Variants in TNRC6B observed in about 807,000 individuals in gnomAD.
TNRC6B encodes trinucleotide repeat containing adaptor 6B.
Under a neutral mutation model 203.6 loss-of-function variants are expected in TNRC6B, and 52 were observed. The observed-to-expected ratio is 0.26, with a 90% confidence interval of 0.20 to 0.32. The LOEUF is 0.32. Ranked by LOEUF, TNRC6B falls within the 10% of genes least tolerant of loss-of-function variation. TNRC6B has a pLI of 1.00. For missense variants in TNRC6B, 1,923 were observed against 2,286.2 expected, an observed-to-expected ratio of 0.84 and a Z score of 3.24; for synonymous variants, 838 against 845.7, an observed-to-expected ratio of 0.99 and a Z score of 0.16.
At chr22:40,052,748 C>T (rs2067760373) in intron 1 of TNRC6B, among the ~76,000 whole-genome samples, 1 of 152,068 alleles carries the variant, frequency 6.6e-6, no homozygotes, top group Non-Finnish European at 1.5e-5. Context: ...CATGTCTGGC[C>T]TGTGTATTGT....
At chr22:40,188,914 A>T (rs1448846858) in intron 1 of TNRC6B, among the ~76,000 whole-genome samples, 1 of 152,192 alleles carries the variant, frequency 6.6e-6, no homozygotes, top group African/African-American at 2.4e-5. Flanking sequence ...AGCTAATTCC[A>T]ACCCACTAAA....
chr22:40,098,428 G>C (rs1245261468), intron 1 of TNRC6B, among the ~76,000 whole-genome samples: 1 of 133,594 alleles, frequency 7.5e-6, no homozygotes, highest in Non-Finnish European at 1.6e-5. Flanking sequence ...CTATATCAAA[G>C]AGATGCATAT....
intron 1 of TNRC6B, among the ~76,000 whole-genome samples, chr22:40,074,129 G>C (rs1207884490): frequency 6.6e-6 from 1 of 151,126 alleles, no homozygotes; most frequent in Non-Finnish European, 1.5e-5. Flanking sequence ...CTACTCAGGA[G>C]GCTGAGGCAC....
intron 1 of TNRC6B, among the ~76,000 whole-genome samples, chr22:40,219,280 T>G (rs939445012): frequency 3.3e-5 from 5 of 152,140 alleles, no homozygotes; most frequent in African/African-American, 1.2e-4. Flanking sequence ...GAGTAAGTGC[T>G]CCATGCTTTC....
chr22:40,090,978 A>G lies in TNRC6B; in HGVS notation c.-120-26077A>G, dbSNP rs78852309. 6.4e-3 allele frequency among the ~76,000 whole-genome samples: 977 copies of G among 152,224 alleles called. 6 individuals are homozygous for G. Among genetic ancestry groups the G allele is most frequent in the African/African-American group, 0.022 (909 of 41,546 alleles). On this transcript the variant is annotated intron_variant, in intron 1 of 23. Transcript: ENST00000301923. ...CAATGATGAGACAATCTGAATACCA[A>G]TAAAGTTTTTTTTATTTTTTTGAGA...
chr22:40,083,010 C>T (rs1012080820), intron 1 of TNRC6B, among the ~76,000 whole-genome samples: 2 of 151,998 alleles, frequency 1.3e-5, no homozygotes, highest in Non-Finnish European at 2.9e-5. Context: ...TTCCCAACTA[C>T]AGATATAAAT....
chr22:40,047,744 C>T (rs1208917433), intron 1 of TNRC6B, among the ~76,000 whole-genome samples: 1 of 152,158 alleles, frequency 6.6e-6, no homozygotes, highest in Non-Finnish European at 1.5e-5. Flanking sequence ...GAGTTCAAGG[C>T]TTTCAGAGCC....
At position 40,184,112 on chromosome 22, in the gene TNRC6B, G is replaced by C. The variant is rs1460220404; in HGVS notation, c.5+5972G>C. ...CTTTCATTCATTGACGTTGGAATTT[G>C]TTTTTTAAAAAACTTAGAAAATGAT... is the stretch of plus-strand genomic sequence containing the variant. On this transcript the variant is annotated intron_variant, in intron 1 of 22. Coordinates refer to ENST00000454349, the MANE Select transcript of TNRC6B (RefSeq NM_001162501.2). Among the ~76,000 whole-genome samples the C allele has an allele frequency of 3.9e-5, 6 of 152,170 alleles. 1 individual carries two copies. Among genetic ancestry groups the C allele is most frequent in the Non-Finnish European group, 1.5e-5 (1 of 68,022 alleles).
intron 3 of TNRC6B, among the ~76,000 whole-genome samples, chr22:40,131,218 G>C (rs61379922): frequency 0.093 from 14,193 of 151,992 alleles, 2,119 homozygotes; most frequent in African/African-American, 0.32. Context: ...TGTGCCCAGC[G>C]CGGTATAGAA....
chr22:40,125,749 T>A, intron 2 of TNRC6B: 3 of 1,553,120 alleles, frequency 1.9e-6, no homozygotes, highest in Admixed American at 4.4e-5. Context: ...CCTTACATAC[T>A]TTTTTCTTCT....
chr22:40,203,477 G>C (rs1160663969), intron 1 of TNRC6B, among the ~76,000 whole-genome samples: 2 of 152,038 alleles, frequency 1.3e-5, no homozygotes. Context: ...TTGTACATTT[G>C]GGTGCTATTT....
chr22:40,245,923 G>C, intron 1 of TNRC6B, 92 bp from the exon 2 acceptor site: 1 of 884,060 alleles, frequency 1.1e-6, no homozygotes, highest in African/African-American at 1.7e-5. Context: ...ATGAAATGTC[G>C]TCTTGCCCAC....
chr22:40,294,428 A>G (rs908160409), intron 12 of TNRC6B, among the ~76,000 whole-genome samples: 3 of 152,136 alleles, frequency 2.0e-5, no homozygotes, highest in African/African-American at 7.2e-5. Flanking sequence ...CCCTCTTCAT[A>G]TGAGGACACC....
chr22:40,049,505 A>G (rs1370314112), intron 1 of TNRC6B, among the ~76,000 whole-genome samples: 1 of 152,038 alleles, frequency 6.6e-6, no homozygotes, highest in East Asian at 1.9e-4. Flanking sequence ...AGTGTTATTT[A>G]TGAGACTTAA....
At chr22:40,314,033 TAA>T (rs141321517) in intron 19 of TNRC6B, among the ~76,000 whole-genome samples, 7,343 of 152,276 alleles carry the variant, frequency 0.048, 262 homozygotes, top group South Asian at 0.092. Context: ...CTTTTACATG[TAA>T]AAACTTAACT....
At chr22:40,074,785 A>T (rs1224968294) in intron 1 of TNRC6B, among the ~76,000 whole-genome samples, 3 of 150,164 alleles carry the variant, frequency 2.0e-5, no homozygotes, top group East Asian at 1.9e-4. Flanking sequence ...TCTCCAAAAA[A>T]AAAATAAAAT....
intron 1 of TNRC6B, among the ~76,000 whole-genome samples, chr22:40,105,480 T>C (rs547085646): frequency 4.7e-4 from 72 of 152,150 alleles, no homozygotes; most frequent in Non-Finnish European, 9.3e-4. Flanking sequence ...ATTTCTTTAT[T>C]TTCCTTTCTA....
chr22:40,119,248 G>C (rs2068420596), intron 2 of TNRC6B, among the ~76,000 whole-genome samples: 1 of 152,188 alleles, frequency 6.6e-6, no homozygotes, highest in East Asian at 1.9e-4. Context: ...TCACAGACTG[G>C]TGACTGCTCC....
intron 3 of TNRC6B, among the ~76,000 whole-genome samples, chr22:40,255,445 A>G (rs1195823313): frequency 1.3e-5 from 2 of 152,144 alleles, no homozygotes; most frequent in Non-Finnish European, 2.9e-5. Flanking sequence ...TCATTTATTA[A>G]TATTGGAGGG....
Sources: gnomAD v4.1 joint callset for allele counts (sites outside exome capture counted in the v4.1 genomes callset) on GRCh38, gnomAD v4.1.1 for gene constraint, MANE v1.5 for transcripts, NCBI Gene and HGNC (gene_info 2026-07-23, HGNC 2026-07-21) for gene names.